Variants in TSPAN33 observed in about 807,000 individuals in gnomAD.
TSPAN33 encodes tetraspanin-33.
TSPAN33 carries 27 observed loss-of-function variants against 34.8 expected under a neutral mutation model. The ratio of observed to expected loss-of-function variants is 0.78; its 90% confidence interval spans 0.57 to 1.07. TSPAN33 has a LOEUF of 1.07. Among genes scored for constraint, TSPAN33 ranks in the 50% least tolerant of loss-of-function variants. TSPAN33 has a pLI of 0.00. For synonymous variants in TSPAN33, 119 were observed against 124.2 expected (o/e 0.96, Z 0.28); for missense variants, 272 against 324.9 (o/e 0.84, Z 1.25).
chr7:129,153,302 C>T (rs1362781642), intron 1 of TSPAN33, among the ~76,000 whole-genome samples: 3 of 152,082 alleles, frequency 2.0e-5, no homozygotes, highest in African/African-American at 4.8e-5. Flanking sequence ...GATGATAAAG[C>T]ACTGCACCCT....
At chr7:129,155,566 C>T (rs1810654446) in intron 1 of TSPAN33, among the ~76,000 whole-genome samples, 1 of 152,046 alleles carries the variant, frequency 6.6e-6, no homozygotes, top group African/African-American at 2.4e-5. Flanking sequence ...TTCCTATATA[C>T]CCCATACTCT....
At position 129,169,387 on chromosome 7, in the gene TSPAN33, C is replaced by G. The variant is rs1220644399; in HGVS notation, c.*1513C>G. On this transcript the variant is annotated 3_prime_UTR_variant, in exon 8 of 8. Transcript: ENST00000486685. ...CCGCGGCGGCCTAGGCCCGCGCCTG[C>G]GTCCCCCAACCCGGAGGAGATGGGG... 1 of 152,186 alleles carries G rather than the reference C, an allele frequency of 6.6e-6. No homozygotes were observed. The highest frequency in any genetic ancestry group is 1.5e-5 in the Non-Finnish European group (1 of 68,030). The allele number at this position is 152,186 out of a possible 1,614,324, so 9.4% of individuals were successfully genotyped here. A position where few individuals can be genotyped will look rare whatever the true frequency, so the allele number is the denominator to read the frequency against.
rs1793055886 is a variant in TSPAN33 at position 129,161,669 on chromosome 7, G to A, written c.103-10G>A. 1 of 1,614,036 alleles carries A rather than the reference G, an allele frequency of 6.2e-7. No homozygotes were observed. Among genetic ancestry groups the A allele is most frequent in the Non-Finnish European group, 8.5e-7 (1 of 1,179,948 alleles). ...AATCTCAGGGTCTGGCTCTTTTCCT[G>A]TCTCCACAGGTGATTTCCATGGTGA... On this transcript the variant is annotated splice_polypyrimidine_tract_variant and intron_variant, in intron 1 of 7. Coordinates refer to ENST00000486685, the MANE Select transcript of TSPAN33 (RefSeq NM_178562.5).
intron 1 of TSPAN33, among the ~76,000 whole-genome samples, chr7:129,150,727 G>C (rs1810581859): frequency 6.6e-6 from 1 of 152,128 alleles, no homozygotes; most frequent in Non-Finnish European, 1.5e-5. Context: ...TCAACAAAAA[G>C]TACTGCCACT....
intron 4 of TSPAN33, among the ~76,000 whole-genome samples, chr7:129,164,042 G>A (rs1463292423): frequency 1.3e-5 from 2 of 152,164 alleles, no homozygotes; most frequent in South Asian, 2.1e-4. Flanking sequence ...CTTACAGTAA[G>A]ATCCTGAAAT....
At chr7:129,145,686 G>T (rs1338270433) in intron 1 of TSPAN33, among the ~76,000 whole-genome samples, 1 of 151,838 alleles carries the variant, frequency 6.6e-6, no homozygotes. Flanking sequence ...CCTGGAGCCT[G>T]GCAATCACCA....
chr7:129,152,655 C>A (rs1029729081), intron 1 of TSPAN33, among the ~76,000 whole-genome samples: 1 of 152,054 alleles, frequency 6.6e-6, no homozygotes, highest in Non-Finnish European at 1.5e-5. Flanking sequence ...CCACTACACT[C>A]CAGCCTGGGT....
At chr7:129,157,609 T>C (rs962267714) in intron 1 of TSPAN33, among the ~76,000 whole-genome samples, 5 of 152,204 alleles carry the variant, frequency 3.3e-5, no homozygotes, top group South Asian at 2.1e-4. Context: ...GAAATACTGT[T>C]GCCTAGGTCC....
At position 129,149,904 on chromosome 7, in the gene TSPAN33, T is replaced by A. The variant is rs187361843; in HGVS notation, c.102+4822T>A. The stretch of plus-strand genomic sequence containing the variant: ...CATGGAGAGCACAGAAAGACCAGTA[T>A]GTGAAGGTCACGGGCAGGGAGAGAG... On this transcript the variant is annotated intron_variant, in intron 1 of 7. Coordinates refer to ENST00000486685, the MANE Select transcript of TSPAN33 (RefSeq NM_178562.5). Among the ~76,000 whole-genome samples the A allele has an allele frequency of 2.6e-5, 4 of 152,308 alleles. No individual in the cohort carries two copies. In the East Asian group the frequency reaches 7.7e-4, roughly 29 times the overall value.
In TSPAN33 at chr7:129,168,049, T is replaced by G; in HGVS notation, c.*175T>G. 7.5e-7 allele frequency: 1 copy of G among 1,339,346 alleles called. No individual in the cohort carries two copies. The highest frequency in any genetic ancestry group is 9.9e-7 in the Non-Finnish European group (1 of 1,010,604). The allele number at this position is 1,339,346 out of a possible 1,614,324, so 83.0% of individuals were successfully genotyped here. A position where few individuals can be genotyped will look rare whatever the true frequency, so the allele number is the denominator to read the frequency against. On this transcript the variant is annotated 3_prime_UTR_variant, in exon 8 of 8. Coordinates refer to ENST00000486685, the MANE Select transcript of TSPAN33 (RefSeq NM_178562.5). Reference sequence around the variant, plus strand: ...GCAGGGTGCACAGGTGGCTCCAGTCTCAGGAGGATGCGCCTCCTCTCCCCC... The same window carrying G: ...GCAGGGTGCACAGGTGGCTCCAGTCGCAGGAGGATGCGCCTCCTCTCCCCC...
chr7:129,162,999 G>A lies in TSPAN33; in HGVS notation c.363+92G>A, dbSNP rs937554519. ...TGTTTAGCCTGGTTAATTAACCACA[G>A]CTCCTTCCCCTGAGAAACATCAGTC... On this transcript the variant is annotated intron_variant, in intron 4 of 7. Transcript: ENST00000486685. 7.4e-6 allele frequency: 9 copies of A among 1,223,274 alleles called. No individual in the cohort carries two copies. In the Admixed American group the frequency reaches 7.7e-5, roughly 10 times the overall value. 75.8% of individuals were successfully genotyped at this position (1,223,274 alleles called of 1,614,324 possible).
At chr7:129,153,483 A>AC in intron 1 of TSPAN33, among the ~76,000 whole-genome samples, 1 of 152,200 alleles carries the variant, frequency 6.6e-6, no homozygotes, top group Middle Eastern at 3.2e-3. Context: ...AAAAGAATTA[A>AC]AGCCAAGAGA....
chr7:129,163,813 C>T (rs1793092799), intron 4 of TSPAN33, among the ~76,000 whole-genome samples: 1 of 151,924 alleles, frequency 6.6e-6, no homozygotes, highest in Non-Finnish European at 1.5e-5. Flanking sequence ...TAAAAAACAC[C>T]AAAAAAATTA....
intron 1 of TSPAN33, among the ~76,000 whole-genome samples, chr7:129,155,326 T>G (rs2566891): frequency 0.78 from 119,321 of 152,104 alleles, 47,005 homozygotes; most frequent in Non-Finnish European, 0.8. Flanking sequence ...TAAGTTCTAG[T>G]GTTCAACAGC....
At chr7:129,152,455 G>A (rs748517533) in intron 1 of TSPAN33, among the ~76,000 whole-genome samples, 3 of 152,174 alleles carry the variant, frequency 2.0e-5, no homozygotes, top group Non-Finnish European at 4.4e-5. Flanking sequence ...TGGAGGCTGA[G>A]GCGGGCAGAT....
Position 129,167,338 on chromosome 7 carries a change from G to C in TSPAN33, c.589-61G>C. On this transcript the variant is annotated intron_variant, in intron 6 of 7. Transcript: ENST00000486685. The surrounding 1 kb of genome is among the most constrained non-coding windows in gnomAD (Gnocchi z 4.6). ...GAAGGGTGGGAAGCCCATCAGCTAAGGCCCCAAACAAAAAGTTATTGGAAT... is the reference window on the plus strand; with the variant it reads ...GAAGGGTGGGAAGCCCATCAGCTAACGCCCCAAACAAAAAGTTATTGGAAT... The C allele has an allele frequency of 6.4e-7, 1 of 1,557,700 alleles. No homozygotes were observed. Among genetic ancestry groups the C allele is most frequent in the Non-Finnish European group, 8.7e-7 (1 of 1,143,610 alleles).
In TSPAN33 at chr7:129,167,042, T is replaced by C. The variant is rs1035470913; in HGVS notation, c.588+136T>C. On this transcript the variant is annotated intron_variant, in intron 6 of 7. Coordinates refer to ENST00000486685, the MANE Select transcript of TSPAN33 (RefSeq NM_178562.5). This position sits in a 1 kb window ranked among gnomAD's most constrained non-coding sequence, Gnocchi z 4.6. Reference sequence around the variant, plus strand: ...TGGGACAGCTGTCAGGTGTTTTTCTTCACCCCAACCTGATGCTTCTATTAA... The same window carrying C: ...TGGGACAGCTGTCAGGTGTTTTTCTCCACCCCAACCTGATGCTTCTATTAA... The C allele has an allele frequency of 6.6e-6, 7 of 1,057,270 alleles. No homozygotes were observed. The highest frequency in any genetic ancestry group is 9.7e-6 in the Non-Finnish European group (7 of 725,094). 65.5% of individuals were successfully genotyped at this position (1,057,270 alleles called of 1,614,324 possible).
rs1256256830 is a variant in TSPAN33, at chr7:129,144,957, G to A, written c.-24G>A. ...GGCAGCCGCTGGGAAATAGGCCCCC[G>A]GGGGCGGTGGCGGCGGCGGGGCCAT... is the stretch of plus-strand genomic sequence containing the variant. On this transcript the variant is annotated 5_prime_UTR_variant, in exon 1 of 8. Transcript: ENST00000486685. 2 of 585,774 alleles carry A rather than the reference G, an allele frequency of 3.4e-6. No homozygotes were observed. Among genetic ancestry groups the A allele is most frequent in the Non-Finnish European group, 6.2e-6 (2 of 325,126 alleles). The allele number at this position is 585,774 out of a possible 1,614,324, so 36.3% of individuals were successfully genotyped here.
Position 129,161,716 on chromosome 7 carries a change from C to A in TSPAN33, c.140C>A (p.Ala47Asp). 1 of 1,614,180 alleles carries A rather than the reference C, an allele frequency of 6.2e-7. No individual in the cohort carries two copies. The highest frequency in any genetic ancestry group is 1.1e-5 in the South Asian group (1 of 91,088). Residue 47 changes from alanine to aspartate, a missense_variant, in exon 2 of 8, where the codon GCT becomes GAT. Transcript: ENST00000486685. Reference protein sequence around the residue: ...SMVMVAVGVYARLMKHAEAAL... With the variant: ...SMVMVAVGVYDRLMKHAEAAL... Reference sequence around the variant, plus strand: ...GTGATGGTGGCTGTGGGTGTCTACGCTCGGCTAATGAAGCATGCAGGTGAG... The same window carrying A: ...GTGATGGTGGCTGTGGGTGTCTACGATCGGCTAATGAAGCATGCAGGTGAG...
Sources: gnomAD v4.1 joint callset for allele counts (sites outside exome capture counted in the v4.1 genomes callset) on GRCh38, gnomAD v4.1.1 for gene constraint, Gnocchi (gnomAD v3.1) non-coding constraint, MANE v1.5 for transcripts, NCBI Gene and HGNC (gene_info 2026-07-23, HGNC 2026-07-21) for gene names.